ADGRB3: variants seen among roughly 807,000 people sequenced by gnomAD.
ADGRB3 encodes brain-specific angiogenesis inhibitor 3.
In ADGRB3, 37 loss-of-function variants were observed where a neutral mutation model predicts 193.4. The observed-to-expected ratio is 0.19, with a 90% CI of 0.15 to 0.25. The LOEUF is 0.25. Ranked by LOEUF, ADGRB3 falls within the 10% of genes least tolerant of loss-of-function variation. The pLI is 1.00. For synonymous variants in ADGRB3, 690 were observed against 644.2 expected (o/e 1.07, Z -1.08); for missense variants, 1,637 against 1,852.9 (o/e 0.88, Z 2.14).
rs183649961 is a variant in ADGRB3, at chr6:68,905,297, G to A, written c.758-25262G>A. On this transcript the variant is annotated intron_variant, in intron 3 of 31. Coordinates refer to ENST00000370598, the MANE Select transcript of ADGRB3 (RefSeq NM_001704.3). ...ATCAATTCTGAAGTTTGCTTCGTTC[G>A]TGATAGGCTAATCCTTTTTCCAGCT... 6.4e-4 allele frequency among the ~76,000 whole-genome samples: 97 copies of A among 152,178 alleles called. 1 individual carries two copies. Among genetic ancestry groups the A allele is most frequent in the Non-Finnish European group, 1.2e-3 (85 of 68,008 alleles).
intron 23 of ADGRB3, among the ~76,000 whole-genome samples, chr6:69,330,921 G>A (rs1768709527): frequency 6.6e-6 from 1 of 151,942 alleles, no homozygotes. Flanking sequence ...AATACATATG[G>A]TTATTACGTA....
intron 3 of ADGRB3, among the ~76,000 whole-genome samples, chr6:68,812,040 A>G (rs533972213): frequency 6.6e-6 from 1 of 152,330 alleles, no homozygotes; most frequent in African/African-American, 2.4e-5. Flanking sequence ...CAGAACTTTT[A>G]TGATTCTCAG....
intron 17 of ADGRB3, among the ~76,000 whole-genome samples, chr6:69,216,424 C>T (rs893244980): frequency 6.6e-6 from 1 of 152,164 alleles, no homozygotes; most frequent in African/African-American, 2.4e-5. Context: ...CCTACAGGCC[C>T]TGGTTGTGGT....
At chr6:69,297,795 A>G (rs1242810443) in intron 20 of ADGRB3, among the ~76,000 whole-genome samples, 7 of 152,080 alleles carry the variant, frequency 4.6e-5, no homozygotes, top group African/African-American at 2.4e-5. Flanking sequence ...TACATGTTTT[A>G]TATAAGAAAA....
At chr6:68,674,391 T>C (rs941471938) in intron 3 of ADGRB3, among the ~76,000 whole-genome samples, 6 of 152,148 alleles carry the variant, frequency 3.9e-5, no homozygotes, top group Admixed American at 3.9e-4. Context: ...TATTATACAT[T>C]AAAAATGCAA....
chr6:68,852,647 C>T (rs1005175021), intron 3 of ADGRB3, among the ~76,000 whole-genome samples: 1 of 151,912 alleles, frequency 6.6e-6, no homozygotes. Flanking sequence ...TCAGTGGCAT[C>T]TTTTTAATAG....
chr6:69,044,379 C>T (rs1050981819), intron 13 of ADGRB3, among the ~76,000 whole-genome samples: 1 of 152,350 alleles, frequency 6.6e-6, no homozygotes, highest in South Asian at 2.1e-4. Flanking sequence ...ACAGACTCCT[C>T]ATCCTCCAGG....
chr6:69,273,431 C>G (rs569445541), intron 20 of ADGRB3, among the ~76,000 whole-genome samples: 51 of 152,290 alleles, frequency 3.3e-4, no homozygotes, highest in African/African-American at 1.2e-3. Context: ...AATGGAAAAT[C>G]TGGCTCCAAG....
intron 3 of ADGRB3, among the ~76,000 whole-genome samples, chr6:68,748,178 C>A (rs960023320): frequency 2.5e-4 from 38 of 152,070 alleles, no homozygotes; most frequent in African/African-American, 9.2e-4. Context: ...CCACCCCTAG[C>A]CCCTCTAAAT....
intron 11 of ADGRB3, among the ~76,000 whole-genome samples, chr6:69,008,633 A>G (rs563067617): frequency 6.6e-6 from 1 of 152,236 alleles, no homozygotes; most frequent in African/African-American, 2.4e-5. Context: ...AGTGATGCAT[A>G]GGGAGAGTTC....
chr6:68,792,974 A>C (rs1284485349), intron 3 of ADGRB3, among the ~76,000 whole-genome samples: 1 of 151,904 alleles, frequency 6.6e-6, no homozygotes, highest in Non-Finnish European at 1.5e-5. Context: ...ACTTCATTTT[A>C]CTGTTTGTTT....
At chr6:68,979,630 T>C (rs1768850234) in intron 10 of ADGRB3, among the ~76,000 whole-genome samples, 1 of 151,540 alleles carries the variant, frequency 6.6e-6, no homozygotes, top group Admixed American at 6.6e-5. Context: ...CTCTGGAGTA[T>C]TTTTTGAATT....
chr6:69,114,098 G>C (rs1177067272), intron 17 of ADGRB3, among the ~76,000 whole-genome samples: 1 of 152,066 alleles, frequency 6.6e-6, no homozygotes, highest in East Asian at 1.9e-4. Flanking sequence ...TAGTAATTTT[G>C]TTTAAGCCAC....
intron 3 of ADGRB3, among the ~76,000 whole-genome samples, chr6:68,710,865 T>A (rs1236644958): frequency 6.6e-6 from 1 of 152,228 alleles, no homozygotes; most frequent in East Asian, 1.9e-4. Flanking sequence ...CAGTTTTAAA[T>A]CTCCCTGTGT....
chr6:68,719,190 T>G (rs1411523068), intron 3 of ADGRB3, among the ~76,000 whole-genome samples: 1 of 151,714 alleles, frequency 6.6e-6, no homozygotes, highest in Non-Finnish European at 1.5e-5. Context: ...CTTAGTTGGT[T>G]TTTAAGTCCG....
rs1769312969 is a variant in ADGRB3 at position 68,993,967 on chromosome 6, G to A, written c.1929+5G>A. The A allele has an allele frequency of 1.2e-6, 2 of 1,611,234 alleles. No homozygotes were observed. Among genetic ancestry groups the A allele is most frequent in the Non-Finnish European group, 8.5e-7 (1 of 1,177,866 alleles). On this transcript the variant is annotated splice_donor_5th_base_variant and intron_variant, in intron 11 of 31. Coordinates refer to ENST00000370598, the MANE Select transcript of ADGRB3 (RefSeq NM_001704.3). ...CCTGCATCTGATGGTGTCCAGGTAA[G>A]GGAGACAAGTTCGTGAAGGAAAGGG...
intron 20 of ADGRB3, among the ~76,000 whole-genome samples, chr6:69,285,515 A>G (rs749002492): frequency 2.6e-5 from 4 of 152,014 alleles, no homozygotes; most frequent in Non-Finnish European, 4.4e-5. Flanking sequence ...TACTAAAAAT[A>G]CAAAAATTAC....
At chr6:69,149,827 C>T (rs1774616572) in intron 17 of ADGRB3, among the ~76,000 whole-genome samples, 2 of 152,040 alleles carry the variant, frequency 1.3e-5, no homozygotes, top group African/African-American at 4.8e-5. Flanking sequence ...TCTCGCGTAG[C>T]ATCGGAGAGA....
intron 3 of ADGRB3, among the ~76,000 whole-genome samples, chr6:68,747,328 A>G (rs753765401): frequency 1.4e-4 from 21 of 152,212 alleles, no homozygotes; most frequent in Non-Finnish European, 2.1e-4. Context: ...ATCATCCATT[A>G]ATGCATTGTC....
Sources: gnomAD v4.1 joint callset for allele counts (sites outside exome capture counted in the v4.1 genomes callset) on GRCh38, gnomAD v4.1.1 for gene constraint, MANE v1.5 for transcripts, NCBI Gene and HGNC (gene_info 2026-07-23, HGNC 2026-07-21) for gene names.